PXDNL: variants seen among roughly 807,000 people sequenced by gnomAD.
PXDNL encodes the protein probable oxidoreductase PXDNL.
A neutral mutation model predicts 150.8 loss-of-function variants in PXDNL; 145 were observed. That is an observed-to-expected ratio of 0.96 (90% CI 0.84 to 1.10). PXDNL has a LOEUF of 1.10. Among genes scored for constraint, PXDNL ranks in the 50% least tolerant of loss-of-function variants. The pLI, the probability that PXDNL is intolerant of heterozygous loss-of-function variation, is 0.00. For synonymous variants in PXDNL, 757 were observed against 725.7 expected, an observed-to-expected ratio of 1.04 and a Z score of -0.69; for missense variants, 2,087 against 1,873.9, an observed-to-expected ratio of 1.11 and a Z score of -2.10.
At chr8:51,710,774 A>G (rs1430299628) in intron 1 of PXDNL, among the ~76,000 whole-genome samples, 2 of 152,216 alleles carry the variant, frequency 1.3e-5, no homozygotes, top group African/African-American at 4.8e-5. Flanking sequence ...GGCAAAAACC[A>G]TATGGTCATA....
chr8:51,741,535 A>C (rs1452580431), intron 1 of PXDNL, among the ~76,000 whole-genome samples: 2 of 152,184 alleles, frequency 1.3e-5, no homozygotes, highest in East Asian at 3.8e-4. Flanking sequence ...ACAACTCGCA[A>C]AATTTGAAAA....
intron 1 of PXDNL, among the ~76,000 whole-genome samples, chr8:51,664,168 T>C (rs1213901688): frequency 6.6e-6 from 1 of 152,054 alleles, no homozygotes; most frequent in African/African-American, 2.4e-5. Context: ...GTCACATTCA[T>C]TGGCGTGTGA....
intron 1 of PXDNL, among the ~76,000 whole-genome samples, chr8:51,781,916 C>T (rs117821250): frequency 0.012 from 1,875 of 152,290 alleles, 29 homozygotes; most frequent in Middle Eastern, 0.044. Flanking sequence ...CTGCTCCTGC[C>T]CAGAATACCG....
chr8:51,403,906 T>C (rs999426285), intron 17 of PXDNL, among the ~76,000 whole-genome samples: 1 of 152,188 alleles, frequency 6.6e-6, no homozygotes, highest in Non-Finnish European at 1.5e-5. Flanking sequence ...AGGTGGTGTG[T>C]CCGGAGTTTG....
At chr8:51,399,791 A>G (rs1808193864) in intron 17 of PXDNL, among the ~76,000 whole-genome samples, 1 of 152,242 alleles carries the variant, frequency 6.6e-6, no homozygotes, top group Non-Finnish European at 1.5e-5. Context: ...GGATTTAAAG[A>G]CGAAATGCAT....
intron 6 of PXDNL, 73 bp from the exon 7 acceptor site, chr8:51,475,214 A>G (rs2130119387): frequency 3.6e-6 from 5 of 1,406,222 alleles, no homozygotes; most frequent in Non-Finnish European, 4.9e-6. Flanking sequence ...TTGAGTGGTA[A>G]TATTTAATTT....
intron 21 of PXDNL, among the ~76,000 whole-genome samples, chr8:51,322,180 C>G (rs1188213291): frequency 6.6e-6 from 1 of 152,176 alleles, no homozygotes; most frequent in African/African-American, 2.4e-5. Context: ...TGTGAAAAAA[C>G]AAACTGTTTT....
At chr8:51,558,787 A>G (rs557717043) in intron 3 of PXDNL, among the ~76,000 whole-genome samples, 1 of 152,216 alleles carries the variant, frequency 6.6e-6, no homozygotes, top group African/African-American at 2.4e-5. Flanking sequence ...TGAATTCCAG[A>G]TATGTTACTA....
At chr8:51,689,499 T>G (rs576570857) in intron 1 of PXDNL, among the ~76,000 whole-genome samples, 2 of 152,274 alleles carry the variant, frequency 1.3e-5, no homozygotes, top group East Asian at 3.9e-4. Flanking sequence ...GTTGGTTATC[T>G]CTTCCACATG....
intron 7 of PXDNL, among the ~76,000 whole-genome samples, chr8:51,474,427 C>A (rs994951828): frequency 2.0e-5 from 3 of 152,026 alleles, no homozygotes; most frequent in African/African-American, 7.2e-5. Context: ...CAGAATATAA[C>A]CATATGCTTA....
At chr8:51,358,034 AAAAG>A (rs1806573479) in intron 19 of PXDNL, among the ~76,000 whole-genome samples, 1 of 152,222 alleles carries the variant, frequency 6.6e-6, no homozygotes, top group Non-Finnish European at 1.5e-5. Context: ...TTCATTATAA[AAAAG>A]AAAGCCATCT....
intron 4 of PXDNL, among the ~76,000 whole-genome samples, chr8:51,534,487 G>T (rs866706193): frequency 2.0e-5 from 1 of 49,372 alleles, no homozygotes; most frequent in Admixed American, 1.8e-4. Context: ...AGGTGGGGGG[G>T]TCAGCCCCCC....
rs150817624 is a variant in PXDNL at position 51,611,887 on chromosome 8, C to T, written c.237-19189G>A. Among the ~76,000 whole-genome samples the T allele has an allele frequency of 2.6e-3, 400 of 152,302 alleles. 3 individuals carry two copies. Among genetic ancestry groups the T allele is most frequent in the African/African-American group, 9.1e-3 (377 of 41,566 alleles). On this transcript the variant is annotated intron_variant, in intron 2 of 22. Coordinates refer to ENST00000356297, the MANE Select transcript of PXDNL (RefSeq NM_144651.5). Reference sequence around the variant, plus strand: ...GTAGGAGGAGCGAGGCCAGGAGCAGCCGGGATGCCGAAGGGAAGGCCCGGG... The same window carrying T: ...GTAGGAGGAGCGAGGCCAGGAGCAGTCGGGATGCCGAAGGGAAGGCCCGGG...
At chr8:51,328,618 T>C (rs1295174903) in intron 21 of PXDNL, among the ~76,000 whole-genome samples, 1 of 152,190 alleles carries the variant, frequency 6.6e-6, no homozygotes, top group African/African-American at 2.4e-5. Context: ...GATATGTCAA[T>C]AGTAACTTCC....
At chr8:51,552,481 C>A (rs926104757) in intron 4 of PXDNL, among the ~76,000 whole-genome samples, 6 of 151,958 alleles carry the variant, frequency 3.9e-5, no homozygotes, top group African/African-American at 1.4e-4. Context: ...TATATATATA[C>A]CATGAAATAC....
At chr8:51,623,787 A>G (rs980457648) in intron 2 of PXDNL, among the ~76,000 whole-genome samples, 1 of 152,126 alleles carries the variant, frequency 6.6e-6, no homozygotes, top group African/African-American at 2.4e-5. Flanking sequence ...GTGTGAAACT[A>G]GCAATCAGGA....
intron 13 of PXDNL, among the ~76,000 whole-genome samples, chr8:51,425,821 C>CAA (rs984798421): frequency 2.6e-5 from 3 of 113,728 alleles, no homozygotes; most frequent in East Asian, 2.5e-4. Flanking sequence ...GACTCCGTCT[C>CAA]AAAAAAAAAA....
At position 51,478,772 on chromosome 8, in the gene PXDNL, C is replaced by G. The variant is rs370180017; in HGVS notation, c.525-3631G>C. 7.2e-5 allele frequency among the ~76,000 whole-genome samples: 11 copies of G among 152,290 alleles called. No individual in the cohort carries two copies. In the East Asian group the frequency reaches 1.7e-3, roughly 24 times the overall value. ...GTAGGTGTAGCCCTCTATTGCTCTC[C>G]TGTATTCTGTTGTTCTCATCTAAAT... is the stretch of plus-strand genomic sequence containing the variant. On this transcript the variant is annotated intron_variant, in intron 6 of 22. Coordinates refer to ENST00000356297, the MANE Select transcript of PXDNL (RefSeq NM_144651.5).
At chr8:51,406,665 C>A (rs1808443369) in intron 17 of PXDNL, among the ~76,000 whole-genome samples, 1 of 152,208 alleles carries the variant, frequency 6.6e-6, no homozygotes, top group African/African-American at 2.4e-5. Context: ...AAGACCAGAT[C>A]AAATGACATC....
Sources: gnomAD v4.1 joint callset for allele counts (sites outside exome capture counted in the v4.1 genomes callset) on GRCh38, gnomAD v4.1.1 for gene constraint, MANE v1.5 for transcripts, NCBI Gene and HGNC (gene_info 2026-07-23, HGNC 2026-07-21) for gene names.